The following GRIA1 variants were observed in gnomAD, a reference collection of about 807,000 sequenced individuals.
GRIA1 encodes glutamate ionotropic receptor AMPA type subunit 1.
GRIA1 carries 31 observed loss-of-function variants against 99.2 expected under a neutral mutation model. The ratio of observed to expected loss-of-function variants is 0.31; its 90% confidence interval spans 0.23 to 0.42. The LOEUF is 0.42. Ranked by LOEUF, GRIA1 falls within the 10% of genes least tolerant of loss-of-function variation. GRIA1 has a pLI of 1.00. For synonymous variants in GRIA1, 438 were observed against 432.4 expected (o/e 1.01, Z -0.16); for missense variants, 782 against 1,157.5 (o/e 0.68, Z 4.71).
intron 5 of GRIA1, among the ~76,000 whole-genome samples, chr5:153,661,008 G>T (rs1755331649): frequency 6.6e-6 from 1 of 152,192 alleles, no homozygotes; most frequent in Non-Finnish European, 1.5e-5. Flanking sequence ...TAGAATGTTA[G>T]ATTGGAAGTT....
chr5:153,560,517 T>G (rs1761027815), intron 2 of GRIA1, among the ~76,000 whole-genome samples: 1 of 152,180 alleles, frequency 6.6e-6, no homozygotes. Flanking sequence ...TTCCGTGCTG[T>G]CCTCGTGACA....
intron 11 of GRIA1, among the ~76,000 whole-genome samples, chr5:153,741,934 T>TTAA (rs1554122122): frequency 2.7e-4 from 39 of 144,954 alleles, no homozygotes; most frequent in Non-Finnish European, 3.6e-4. Context: ...AAGCTTTTTT[T>TTAA]AAAAAAAAAA....
chr5:153,607,067 A>G (rs1393313117), intron 2 of GRIA1, among the ~76,000 whole-genome samples: 2 of 147,714 alleles, frequency 1.4e-5, no homozygotes, highest in East Asian at 3.9e-4. Flanking sequence ...ATATATATAT[A>G]TAATCACAGT....
At chr5:153,785,331 T>C (rs1485028282) in intron 13 of GRIA1, among the ~76,000 whole-genome samples, 1 of 152,154 alleles carries the variant, frequency 6.6e-6, no homozygotes, top group East Asian at 1.9e-4. Context: ...CTCTCCCCTC[T>C]TAAGGGTAGA....
chr5:153,524,934 A>T, intron 2 of GRIA1, among the ~76,000 whole-genome samples: 1 of 152,306 alleles, frequency 6.6e-6, no homozygotes, highest in East Asian at 1.9e-4. Context: ...CAGTGGAAAT[A>T]TTTGCTATAT....
intron 8 of GRIA1, among the ~76,000 whole-genome samples, chr5:153,696,666 G>A (rs1204374059): frequency 6.6e-6 from 1 of 152,222 alleles, no homozygotes; most frequent in Non-Finnish European, 1.5e-5. Context: ...CAGTTTTTGT[G>A]AGCCTATGCT....
chr5:153,715,308 G>GC (rs1759594534), intron 11 of GRIA1, among the ~76,000 whole-genome samples: 1 of 151,682 alleles, frequency 6.6e-6, no homozygotes, highest in Admixed American at 6.6e-5. Flanking sequence ...CCTCTGCTTG[G>GC]AGTGACTTTT....
chr5:153,692,068 C>T (rs545465096), intron 8 of GRIA1, among the ~76,000 whole-genome samples: 3 of 152,176 alleles, frequency 2.0e-5, no homozygotes, highest in East Asian at 3.8e-4. Context: ...AGCACAGCCT[C>T]GCACTTTCCT....
intron 2 of GRIA1, among the ~76,000 whole-genome samples, chr5:153,611,799 C>T (rs902903131): frequency 2.0e-5 from 3 of 152,200 alleles, no homozygotes; most frequent in Non-Finnish European, 2.9e-5. Flanking sequence ...GCCAAAGCTA[C>T]GTGAGCACTG....
rs55874747 is a variant in GRIA1 at position 153,738,720 on chromosome 5, C to CTTTTTTTTT, written c.1824-25704_1824-25696dup. On this transcript the variant is annotated intron_variant, in intron 11 of 15. Coordinates refer to ENST00000285900, the MANE Select transcript of GRIA1 (RefSeq NM_000827.4). ...TGTTGCGTGTTCATCTCCATACCTT[C>CTTTTTTTTT]TTTTTTTTTTTTTTTTTTGGAGAAG... Among the ~76,000 whole-genome samples the CTTTTTTTTT allele has an allele frequency of 2.9e-3, 293 of 102,130 alleles. 8 individuals carry two copies. Among genetic ancestry groups the CTTTTTTTTT allele is most frequent in the Middle Eastern group, 0.014 (2 of 146 alleles). The allele number at this position is 102,130 out of a possible 152,430, so 67.0% of individuals were successfully genotyped here.
At chr5:153,590,706 C>A (rs529109434) in intron 2 of GRIA1, among the ~76,000 whole-genome samples, 2 of 152,046 alleles carry the variant, frequency 1.3e-5, no homozygotes, top group Non-Finnish European at 1.5e-5. Context: ...ATTTGTGAAA[C>A]AAGGGCATCC....
chr5:153,606,586 T>C (rs778310919), intron 2 of GRIA1, among the ~76,000 whole-genome samples: 61 of 152,194 alleles, frequency 4.0e-4, no homozygotes, highest in Non-Finnish European at 7.1e-4. Context: ...TAATATTTTG[T>C]AGTTTTCAGT....
chr5:153,666,723 A>G (rs1755770252), intron 5 of GRIA1, among the ~76,000 whole-genome samples: 1 of 152,218 alleles, frequency 6.6e-6, no homozygotes, highest in Non-Finnish European at 1.5e-5. Flanking sequence ...CAGGATTGCT[A>G]TGAGGATTAA....
chr5:153,510,469 T>C (rs991258244), intron 2 of GRIA1, among the ~76,000 whole-genome samples: 1 of 152,134 alleles, frequency 6.6e-6, no homozygotes, highest in Non-Finnish European at 1.5e-5. Flanking sequence ...TGAACAGAGA[T>C]TGTCTGCGAT....
chr5:153,612,423 G>T (rs188150236), intron 2 of GRIA1, among the ~76,000 whole-genome samples: 64 of 152,308 alleles, frequency 4.2e-4, no homozygotes, highest in Admixed American at 7.2e-4. Context: ...ATTCCAGAAG[G>T]CTATGCCTTT....
At chr5:153,586,364 C>T (rs1199591591) in intron 2 of GRIA1, among the ~76,000 whole-genome samples, 1 of 152,172 alleles carries the variant, frequency 6.6e-6, no homozygotes, top group East Asian at 1.9e-4. Context: ...TAGGTAGGTG[C>T]TACTATTATC....
intron 7 of GRIA1, among the ~76,000 whole-genome samples, chr5:153,684,129 T>A (rs1317923492): frequency 6.6e-6 from 1 of 152,170 alleles, no homozygotes; most frequent in Non-Finnish European, 1.5e-5. Flanking sequence ...GCAGATCACT[T>A]TACTTCCCAG....
At chr5:153,736,989 T>C (rs1278895734) in intron 11 of GRIA1, among the ~76,000 whole-genome samples, 2 of 152,166 alleles carry the variant, frequency 1.3e-5, no homozygotes. Context: ...CATTAGAGAA[T>C]GGTGCTCTCT....
intron 2 of GRIA1, among the ~76,000 whole-genome samples, chr5:153,553,957 G>C (rs1282112171): frequency 6.6e-6 from 1 of 152,098 alleles, no homozygotes; most frequent in Non-Finnish European, 1.5e-5. Context: ...GTAATAAATG[G>C]GGTGCAGATT....
Sources: allele counts gnomAD v4.1 joint callset (sites outside exome capture counted in the v4.1 genomes callset), GRCh38; gene constraint gnomAD v4.1.1; transcripts MANE v1.5; gene names NCBI Gene and HGNC (gene_info 2026-07-23, HGNC 2026-07-21).